IFT22: variants seen among roughly 807,000 people sequenced by gnomAD.
The protein encoded by IFT22 is intraflagellar transport protein 22 homolog.
In IFT22, 13 loss-of-function variants were observed where a neutral mutation model predicts 21.0. That is an observed-to-expected ratio of 0.62 (90% CI 0.40 to 0.98). The LOEUF is 0.98. IFT22 is among the 50% of genes least tolerant of loss of function. The pLI is 0.00. For synonymous variants in IFT22, 67 were observed against 82.4 expected (o/e 0.81, Z 1.01); for missense variants, 227 against 228.9 (o/e 0.99, Z 0.06).
intron 1 of IFT22, among the ~76,000 whole-genome samples, chr7:101,320,246 C>T (rs1435648348): frequency 6.6e-6 from 1 of 150,912 alleles, no homozygotes. Context: ...CGTGAGCCTC[C>T]GCATCCGGCT....
intron 4 of IFT22, chr7:101,315,712 CAG>C (rs1005435461): frequency 2.5e-5 from 5 of 202,240 alleles, no homozygotes; most frequent in Non-Finnish European, 9.9e-6. Flanking sequence ...TTTTTTGAAA[CAG>C]AGTTTCACTC....
rs934461106 is a variant in IFT22 at position 101,310,989 on chromosome 7, A to ATTTTTTTT, written c.*4137_*4144dup. On this transcript the variant is annotated 3_prime_UTR_variant, in exon 5 of 5. Transcript: ENST00000315322. Reference sequence around the variant, plus strand: ...CAGGTGAACAAAATCTGCTGGGTTAATTTTTTTTTTTTTTTTTTTTTTGAG... The same window carrying ATTTTTTTT: ...CAGGTGAACAAAATCTGCTGGGTTAATTTTTTTTTTTTTTTTTTTTTTTTTTTTTTGAG... 4.5e-6 allele frequency: 1 copy of ATTTTTTTT among 224,286 alleles called. No homozygotes were observed. Among genetic ancestry groups the ATTTTTTTT allele is most frequent in the Non-Finnish European group, 8.6e-6 (1 of 115,894 alleles). 13.9% of individuals were successfully genotyped at this position (224,286 alleles called of 1,614,324 possible). A position where few individuals can be genotyped will look rare whatever the true frequency, so the allele number is the denominator to read the frequency against.
rs1051110644 is a variant in IFT22 at position 101,310,944 on chromosome 7, T to C, written c.*4190A>G. On this transcript the variant is annotated 3_prime_UTR_variant, in exon 5 of 5. Coordinates refer to ENST00000315322, the MANE Select transcript of IFT22 (RefSeq NM_022777.4). The stretch of plus-strand genomic sequence containing the variant: ...GCTTTTACTCAATTCAAATATTTAA[T>C]GGGTTGTACTCTGGCCATTCAGGTG... 2.7e-6 allele frequency: 1 copy of C among 375,392 alleles called. No individual in the cohort carries two copies. The highest frequency in any genetic ancestry group is 2.1e-5 in the African/African-American group (1 of 46,856). The allele number at this position is 375,392 out of a possible 1,614,324, so 23.3% of individuals were successfully genotyped here. A position where few individuals can be genotyped will look rare whatever the true frequency, so the allele number is the denominator to read the frequency against.
At chr7:101,320,558 CTTTTTTTTTTT>C (rs397889268) in intron 1 of IFT22, among the ~76,000 whole-genome samples, 1 of 101,634 alleles carries the variant, frequency 9.8e-6, no homozygotes, top group South Asian at 3.4e-4. Context: ...CGCGCCCGGC[CTTTTTTTTTTT>C]TTTTTTTTTT....
chr7:101,315,360 A>G, intron 4 of IFT22, 78 bp from the exon 5 acceptor site: 1 of 1,486,002 alleles, frequency 6.7e-7, no homozygotes, highest in Admixed American at 1.9e-5. Context: ...AAACTTCTAG[A>G]AGAAATTTAA....
At chr7:101,315,374 T>C in intron 4 of IFT22, 92 bp from the exon 5 acceptor site, 1 of 1,386,954 alleles carries the variant, frequency 7.2e-7, no homozygotes, top group Non-Finnish European at 1.0e-6. Flanking sequence ...AATTTAACTT[T>C]CTGAAGTTCA....
Position 101,316,528 on chromosome 7 carries a change from C to A in IFT22, c.221G>T (p.Trp74Leu). ...ATGAGCATCCTTCATCAGGGCCGGC[C>A]AGCAGGACTCAAACCTGCGAGGAAG... Reference protein sequence around the residue: ...CGGDAKFESCWPALMKDAHGV... With the variant: ...CGGDAKFESCLPALMKDAHGV... Residue 74 changes from tryptophan (W) to leucine (L), a missense_variant, in exon 4 of 5, where the codon TGG becomes TTG. Trp to Leu is a moderately conservative substitution (Grantham distance 61). Coordinates refer to ENST00000315322, the MANE Select transcript of IFT22 (RefSeq NM_022777.4). 6.2e-7 allele frequency: 1 copy of A among 1,614,086 alleles called. No homozygotes were observed. The highest frequency in any genetic ancestry group is 8.5e-7 in the Non-Finnish European group (1 of 1,180,020).
At position 101,312,302 on chromosome 7, in the gene IFT22, G is replaced by A. The variant is rs1789998329; in HGVS notation, c.*2832C>T. On this transcript the variant is annotated 3_prime_UTR_variant, in exon 5 of 5. Coordinates refer to ENST00000315322, the MANE Select transcript of IFT22 (RefSeq NM_022777.4). ...GTGGGCTGGACCATTACTGGTGTGTGTATCTCTAGTCTCAACTACTCAGAG... is the reference window on the plus strand; with the variant it reads ...GTGGGCTGGACCATTACTGGTGTGTATATCTCTAGTCTCAACTACTCAGAG... 6.6e-6 allele frequency among the ~76,000 whole-genome samples: 1 copy of A among 152,088 alleles called. No homozygotes were observed. The highest frequency in any genetic ancestry group is 2.1e-4 in the South Asian group (1 of 4,830).
intron 3 of IFT22, among the ~76,000 whole-genome samples, chr7:101,317,861 T>G (rs774642951): frequency 1.3e-5 from 2 of 151,982 alleles, no homozygotes; most frequent in Non-Finnish European, 2.9e-5. Flanking sequence ...AACCTCCGCC[T>G]CCAGGTTCAA....
Position 101,321,233 on chromosome 7 carries a change from G to A in IFT22, c.39+438C>T, listed in dbSNP as rs184561321. Among the ~76,000 whole-genome samples the A allele has an allele frequency of 5.7e-3, 875 of 152,212 alleles. 4 individuals are homozygous for A. The highest frequency in any genetic ancestry group is 0.01 in the Non-Finnish European group (682 of 68,014). ...AGGTACTCAGGAGGCTGAGGCAGGA[G>A]GACTGCTTGAGCCCAGGGAAGTCGA... On this transcript the variant is annotated intron_variant, in intron 1 of 4. Coordinates refer to ENST00000315322, the MANE Select transcript of IFT22 (RefSeq NM_022777.4).
intron 1 of IFT22, 132 bp downstream of exon 1, chr7:101,321,539 T>A: frequency 1.1e-6 from 1 of 878,458 alleles, no homozygotes; most frequent in Non-Finnish European, 1.7e-6. Flanking sequence ...GGGGCGCCAG[T>A]CGGGATGGGC....
chr7:101,317,405 A>C (rs959937533), intron 3 of IFT22, among the ~76,000 whole-genome samples: 1 of 150,914 alleles, frequency 6.6e-6, no homozygotes, highest in African/African-American at 2.4e-5. Context: ...AAAGCAATGG[A>C]TTACAGGTGT....
At chr7:101,315,684 C>G (rs73180986) in intron 4 of IFT22, 14,505 of 215,682 alleles carry the variant, frequency 0.067, 930 homozygotes, top group Admixed American at 0.24. Context: ...TTTTCCCACT[C>G]TGTATTCTGC....
intron 2 of IFT22, 162 bp downstream of exon 2, chr7:101,318,794 A>C: frequency 1.7e-6 from 1 of 585,442 alleles, no homozygotes; most frequent in Non-Finnish European, 3.1e-6. Flanking sequence ...ATGCCAACAC[A>C]CCTGGCTAAT....
chr7:101,310,967 G>T lies in IFT22; in HGVS notation c.*4167C>A. On this transcript the variant is annotated 3_prime_UTR_variant, in exon 5 of 5. Transcript: ENST00000315322. ...AATGGGTTGTACTCTGGCCATTCAG[G>T]TGAACAAAATCTGCTGGGTTAATTT... 1 of 300,490 alleles carries T rather than the reference G, an allele frequency of 3.3e-6. No individual in the cohort carries two copies. The highest frequency in any genetic ancestry group is 3.0e-5 in the South Asian group (1 of 33,248). The allele number at this position is 300,490 out of a possible 1,614,324, so 18.6% of individuals were successfully genotyped here.
chr7:101,318,217 A>G lies in IFT22; in HGVS notation c.117-4T>C. On this transcript the variant is annotated splice_polypyrimidine_tract_variant and splice_region_variant and intron_variant, in intron 2 of 4. Coordinates refer to ENST00000315322, the MANE Select transcript of IFT22 (RefSeq NM_022777.4). Reference sequence around the variant, plus strand: ...CGGGTTCTCAAATTCTAGGATCCTAAAAGGAAAAAGAAGAGCAGTAGGCTG... The same window carrying G: ...CGGGTTCTCAAATTCTAGGATCCTAGAAGGAAAAAGAAGAGCAGTAGGCTG... The G allele has an allele frequency of 6.2e-7, 1 of 1,611,460 alleles. No individual in the cohort carries two copies. The highest frequency in any genetic ancestry group is 1.7e-5 in the Admixed American group (1 of 59,964).
At chr7:101,317,999 C>T in intron 3 of IFT22, 125 bp downstream of exon 3, 1 of 732,930 alleles carries the variant, frequency 1.4e-6, no homozygotes, top group Non-Finnish European at 2.4e-6. Context: ...AACTCTTCTC[C>T]TCAGGTGAGC....
chr7:101,313,442 T>TCTC lies in IFT22; in HGVS notation c.*1691_*1692insGAG, dbSNP rs71517163. 23,312 of 151,970 alleles carry TCTC rather than the reference T, an allele frequency of 0.15. 1,875 individuals carry two copies. The highest frequency in any genetic ancestry group is 0.16 in the South Asian group (793 of 4,810). 9.4% of individuals were successfully genotyped at this position (151,970 alleles called of 1,614,324 possible). A position where few individuals can be genotyped will look rare whatever the true frequency, so the allele number is the denominator to read the frequency against. ...TCTCCGCCTCGCGGGTTCAGGCAAT[T>TCTC]CTGCCTCACCCTTCTGAGTAGCTGG... On this transcript the variant is annotated 3_prime_UTR_variant, in exon 5 of 5. Transcript: ENST00000315322.
Position 101,321,595 on chromosome 7 carries a change from A to G in IFT22, c.39+76T>C, listed in dbSNP as rs554963337. ...CCTCCGGGAGCAAGCCGCAGATCAG[A>G]CGGGTGGGGACCTGCGCTCGCCCAG... On this transcript the variant is annotated intron_variant, in intron 1 of 4. Coordinates refer to ENST00000315322, the MANE Select transcript of IFT22 (RefSeq NM_022777.4). 99 of 1,468,466 alleles carry G rather than the reference A, an allele frequency of 6.7e-5. No individual in the cohort carries two copies. In the African/African-American group the frequency reaches 1.1e-3, roughly 17 times the overall value. The allele number at this position is 1,468,466 out of a possible 1,614,324, so 91.0% of individuals were successfully genotyped here.
Sources: allele counts gnomAD v4.1 joint callset (sites outside exome capture counted in the v4.1 genomes callset), GRCh38; gene constraint gnomAD v4.1.1; transcripts MANE v1.5; gene names NCBI Gene and HGNC (gene_info 2026-07-23, HGNC 2026-07-21).